The following OSBPL8 variants were observed in gnomAD, a reference collection of about 807,000 sequenced individuals.
OSBPL8 encodes oxysterol binding protein like 8.
Under a neutral mutation model 125.5 loss-of-function variants are expected in OSBPL8, and 59 were observed. The observed-to-expected ratio is 0.47, with a 90% CI of 0.38 to 0.58. The LOEUF is 0.58. Ranked by LOEUF, OSBPL8 falls within the 20% of genes least tolerant of loss-of-function variation. The probability of loss-of-function intolerance (pLI) is 0.00; values close to 1 mark genes in which losing one functional copy is unlikely to be tolerated. For missense variants in OSBPL8, 758 were observed against 1,047.8 expected (o/e 0.72, Z 3.82); for synonymous variants, 330 against 338.9 (o/e 0.97, Z 0.29).
chr12:76,490,378 C>T (rs1042721750), intron 1 of OSBPL8, among the ~76,000 whole-genome samples: 2 of 152,310 alleles, frequency 1.3e-5, no homozygotes, highest in East Asian at 3.9e-4. Context: ...CCTGCCCAAC[C>T]CCATCCTATG....
chr12:76,440,514 T>C (rs1246664557), intron 4 of OSBPL8, among the ~76,000 whole-genome samples: 1 of 152,168 alleles, frequency 6.6e-6, no homozygotes, highest in East Asian at 1.9e-4. Context: ...TGTATACTAA[T>C]AACCCAAACT....
intron 1 of OSBPL8, among the ~76,000 whole-genome samples, chr12:76,539,786 G>C (rs1807987215): frequency 6.6e-6 from 1 of 152,172 alleles, no homozygotes; most frequent in Admixed American, 6.5e-5. Context: ...ACTTATACAA[G>C]AAGATAGCAC....
Position 76,399,903 on chromosome 12 carries a change from AG to A in OSBPL8, c.437del (p.Pro146LeufsTer10). ...ACCAATCAGCCATAACAATAACAGA[AG>A]GATCTGTGATTGTACTGAGCAGCTC... ...TKELLSTITD[P>X]SVIVMADWLK... On this transcript the variant is annotated frameshift_variant, in exon 7 of 24. Coordinates refer to ENST00000261183, the MANE Select transcript of OSBPL8 (RefSeq NM_020841.5). LOFTEE classifies it high-confidence loss of function. The A allele has an allele frequency of 6.2e-7, 1 of 1,603,208 alleles. No individual in the cohort carries two copies. The highest frequency in any genetic ancestry group is 8.5e-7 in the Non-Finnish European group (1 of 1,177,086).
Position 76,372,277 on chromosome 12 carries a change from C to A in OSBPL8, c.1918-693G>T, listed in dbSNP as rs1952649570. 1.3e-5 allele frequency among the ~76,000 whole-genome samples: 2 copies of A among 152,108 alleles called. 1 individual carries two copies. Among genetic ancestry groups the A allele is most frequent in the South Asian group, 4.1e-4 (2 of 4,830 alleles). ...CTGGAGGGCAGTAGCACAATCATGG[C>A]TCACTGCAGCTTCCACCTCCCAGGC... On this transcript the variant is annotated intron_variant, in intron 18 of 23. Coordinates refer to ENST00000261183, the MANE Select transcript of OSBPL8 (RefSeq NM_020841.5).
chr12:76,549,037 A>G (rs1202320781), intron 1 of OSBPL8, among the ~76,000 whole-genome samples: 1 of 152,184 alleles, frequency 6.6e-6, no homozygotes, highest in African/African-American at 2.4e-5. Flanking sequence ...AATGGTGGGA[A>G]AAGAAAAAGA....
intron 1 of OSBPL8, among the ~76,000 whole-genome samples, chr12:76,528,614 C>T (rs1950244335): frequency 6.6e-6 from 1 of 151,962 alleles, no homozygotes; most frequent in African/African-American, 2.4e-5. Flanking sequence ...AGAAAGGGTA[C>T]ATCCTAAAAT....
chr12:76,358,175 C>CTTTTTTTTTTTTTTTTTTTTTTTTTTTT (rs60714321), intron 22 of OSBPL8, among the ~76,000 whole-genome samples: 2 of 100,192 alleles, frequency 2.0e-5, no homozygotes, highest in Admixed American at 1.2e-4. Flanking sequence ...GAGTGTGGTT[C>CTTTTTTTTTTTTTTTTTTTTTTTTTTTT]TTTTTTTTTT....
chr12:76,444,011 A>G (rs1008894519), intron 4 of OSBPL8, among the ~76,000 whole-genome samples: 5 of 152,170 alleles, frequency 3.3e-5, no homozygotes, highest in African/African-American at 1.2e-4. Flanking sequence ...ATCTAAACAT[A>G]TAACAAACAA....
chr12:76,426,635 C>T (rs112502731), intron 4 of OSBPL8, among the ~76,000 whole-genome samples: 7 of 152,122 alleles, frequency 4.6e-5, no homozygotes, highest in Middle Eastern at 3.4e-3. Context: ...ATGCTGGGTA[C>T]GTAAGTATTG....
chr12:76,555,222 A>C (rs1192088575), intron 1 of OSBPL8, among the ~76,000 whole-genome samples: 1 of 152,216 alleles, frequency 6.6e-6, no homozygotes, highest in Non-Finnish European at 1.5e-5. Flanking sequence ...TTACAGGCAA[A>C]GACAATTTCT....
In OSBPL8 at chr12:76,390,453, G is replaced by GGTA; in HGVS notation, c.1131_1133dup (p.Thr378dup). ...GTTCTTCATGGCTCTGTTCAGTGTA[G>GGTA]GTAGTCTCCTTTAAAGGCTCAACAG... On this transcript the variant is annotated inframe_insertion, in exon 11 of 24. Transcript: ENST00000261183. The GGTA allele has an allele frequency of 1.9e-6, 3 of 1,613,632 alleles. No individual in the cohort carries two copies. The highest frequency in any genetic ancestry group is 2.5e-6 in the Non-Finnish European group (3 of 1,179,680).
chr12:76,397,458 A>C (rs1242349791), intron 8 of OSBPL8, among the ~76,000 whole-genome samples: 1 of 152,152 alleles, frequency 6.6e-6, no homozygotes, highest in Non-Finnish European at 1.5e-5. Context: ...GTACAAATTG[A>C]ATCCCCAAGG....
rs747434131 is a variant in OSBPL8, at chr12:76,399,258, C to T, written c.468+615G>A. On this transcript the variant is annotated intron_variant, in intron 7 of 23. Coordinates refer to ENST00000261183, the MANE Select transcript of OSBPL8 (RefSeq NM_020841.5). Reference sequence around the variant, plus strand: ...GTGATTCTCAGGTACATGCCAAGTACTAAAATTTTCTGTGAGTCAGAGTCC... The same window carrying T: ...GTGATTCTCAGGTACATGCCAAGTATTAAAATTTTCTGTGAGTCAGAGTCC... Among the ~76,000 whole-genome samples the T allele has an allele frequency of 1.1e-4, 16 of 151,992 alleles. No individual in the cohort carries two copies. In the East Asian group the frequency reaches 2.1e-3, roughly 20 times the overall value.
intron 1 of OSBPL8, among the ~76,000 whole-genome samples, chr12:76,541,752 G>A (rs1421239627): frequency 6.6e-6 from 1 of 151,548 alleles, no homozygotes; most frequent in African/African-American, 2.4e-5. Context: ...CTATTCGAGA[G>A]GCTGAGGCAG....
intron 17 of OSBPL8, among the ~76,000 whole-genome samples, chr12:76,374,780 T>A (rs759023947): frequency 6.6e-6 from 1 of 152,138 alleles, no homozygotes; most frequent in Non-Finnish European, 1.5e-5. Flanking sequence ...ATCCCCAGTA[T>A]ACCCTGTCCA....
chr12:76,395,164 T>C (rs1481366735), intron 8 of OSBPL8, among the ~76,000 whole-genome samples: 1 of 152,082 alleles, frequency 6.6e-6, no homozygotes, highest in Non-Finnish European at 1.5e-5. Context: ...GAAAAATAAA[T>C]CTCCACTTTA....
At chr12:76,437,157 T>C (rs990584684) in intron 4 of OSBPL8, among the ~76,000 whole-genome samples, 5 of 152,232 alleles carry the variant, frequency 3.3e-5, no homozygotes. Context: ...AGAGTATTCC[T>C]AGAAGCATAA....
chr12:76,495,344 T>C (rs1054772334), intron 1 of OSBPL8, among the ~76,000 whole-genome samples: 4 of 152,210 alleles, frequency 2.6e-5, no homozygotes, highest in Non-Finnish European at 5.9e-5. Context: ...CGCAGCATCA[T>C]TTGACACATT....
chr12:76,511,902 T>C (rs1881035428), intron 1 of OSBPL8, among the ~76,000 whole-genome samples: 2 of 152,196 alleles, frequency 1.3e-5, no homozygotes, highest in African/African-American at 2.4e-5. Context: ...TTTTTATATA[T>C]GGTGTAAGGG....
Sources: gnomAD v4.1 joint callset for allele counts (sites outside exome capture counted in the v4.1 genomes callset) on GRCh38, gnomAD v4.1.1 for gene constraint, MANE v1.5 for transcripts, NCBI Gene and HGNC (gene_info 2026-07-23, HGNC 2026-07-21) for gene names.